Variants in TANC1 observed in about 807,000 individuals in gnomAD.
TANC1 encodes the protein tetratricopeptide repeat, ankyrin repeat and coiled-coil containing 1, also known as protein TANC1.
TANC1 carries 77 observed loss-of-function variants against 149.7 expected under a neutral mutation model. The observed-to-expected ratio is 0.51, with a 90% CI of 0.43 to 0.62. The LOEUF (loss-of-function observed/expected upper bound fraction) is 0.62, where lower values mean the gene tolerates loss of function less well. Ranked by LOEUF, TANC1 falls within the 20% of genes least tolerant of loss-of-function variation. The pLI, the probability that TANC1 is intolerant of heterozygous loss-of-function variation, is 0.00. For synonymous variants in TANC1, 854 were observed against 925.0 expected (o/e 0.92, Z 1.39); for missense variants, 1,985 against 2,321.8 (o/e 0.85, Z 2.98).
At chr2:159,006,642 T>A (rs1289184354) in intron 2 of TANC1, among the ~76,000 whole-genome samples, 1 of 152,224 alleles carries the variant, frequency 6.6e-6, no homozygotes. Flanking sequence ...TCTATACCCC[T>A]AGAGATCATC....
chr2:159,015,755 C>G (rs375756133), intron 2 of TANC1, among the ~76,000 whole-genome samples: 1 of 152,176 alleles, frequency 6.6e-6, no homozygotes, highest in Non-Finnish European at 1.5e-5. Flanking sequence ...AGGGCAGGGG[C>G]AAAATGCTGC....
chr2:158,985,594 C>G (rs1459506493), intron 1 of TANC1, among the ~76,000 whole-genome samples: 1 of 152,142 alleles, frequency 6.6e-6, no homozygotes, highest in Non-Finnish European at 1.5e-5. Flanking sequence ...TGGGTTAAAG[C>G]AGAGGGGATT....
chr2:159,173,580 G>A (rs574436883), intron 11 of TANC1, among the ~76,000 whole-genome samples: 144 of 152,308 alleles, frequency 9.5e-4, no homozygotes, highest in African/African-American at 3.3e-3. Flanking sequence ...ACTCCAACCT[G>A]GGTGACAGAG....
chr2:159,084,047 C>T (rs920642538), intron 3 of TANC1, among the ~76,000 whole-genome samples: 2 of 152,124 alleles, frequency 1.3e-5, no homozygotes. Context: ...GTCAGGAGTT[C>T]GAGACCATCC....
chr2:159,192,578 C>A (rs2057526721), intron 16 of TANC1, among the ~76,000 whole-genome samples: 1 of 152,192 alleles, frequency 6.6e-6, no homozygotes, highest in African/African-American at 2.4e-5. Flanking sequence ...AAATGTACCA[C>A]CCAGATATAA....
intron 2 of TANC1, among the ~76,000 whole-genome samples, chr2:159,019,516 C>G (rs28439659): frequency 6.6e-6 from 1 of 152,130 alleles, no homozygotes; most frequent in African/African-American, 2.4e-5. Flanking sequence ...GACCTTTGCT[C>G]TGGAGGTTTC....
Position 159,186,883 on chromosome 2 carries a change from C to G in TANC1, c.2620-19C>G. The stretch of plus-strand genomic sequence containing the variant: ...ATCTGTCTCTGATTGTTTCCAAGAT[C>G]TGTCTCGATTGTTTCCAGGGCCTCA... On this transcript the variant is annotated intron_variant, in intron 15 of 26. Transcript: ENST00000263635. 1 of 1,614,122 alleles carries G rather than the reference C, an allele frequency of 6.2e-7. No individual in the cohort carries two copies. Among genetic ancestry groups the G allele is most frequent in the South Asian group, 1.1e-5 (1 of 91,064 alleles).
At chr2:159,023,704 C>T (rs1450401953) in intron 2 of TANC1, among the ~76,000 whole-genome samples, 28 of 152,086 alleles carry the variant, frequency 1.8e-4, no homozygotes, top group Admixed American at 1.6e-3. Context: ...CAGTGGCTCA[C>T]GCCTGTAATC....
chr2:158,975,676 T>A (rs1263130807), intron 1 of TANC1, among the ~76,000 whole-genome samples: 1 of 151,214 alleles, frequency 6.6e-6, no homozygotes, highest in Admixed American at 6.6e-5. Flanking sequence ...CCTCAAGCAA[T>A]CCTTCCACCT....
chr2:159,171,986 T>A, intron 10 of TANC1, 135 bp from the exon 11 acceptor site: 1 of 761,724 alleles, frequency 1.3e-6, no homozygotes, highest in South Asian at 2.0e-5. Flanking sequence ...TGTGCTCTCA[T>A]GTGGACCTCT....
intron 25 of TANC1, chr2:159,228,400 G>A (rs2150993330): frequency 3.8e-6 from 1 of 262,788 alleles, no homozygotes. Flanking sequence ...TTTGTAACTA[G>A]TAGATCTGTT....
At chr2:159,059,129 G>C (rs2042051516) in intron 2 of TANC1, among the ~76,000 whole-genome samples, 1 of 152,154 alleles carries the variant, frequency 6.6e-6, no homozygotes, top group South Asian at 2.1e-4. Flanking sequence ...ATGGGTTGTT[G>C]AATAAAGAAT....
At chr2:159,081,862 G>A (rs901992198) in intron 3 of TANC1, among the ~76,000 whole-genome samples, 15 of 152,274 alleles carry the variant, frequency 9.9e-5, no homozygotes, top group South Asian at 4.2e-4. Flanking sequence ...CCAGCTAACC[G>A]CTTCCCAAGA....
At position 159,230,924 on chromosome 2, in the gene TANC1, A is replaced by C; in HGVS notation, c.5498A>C (p.Lys1833Thr). ...CATCTGTACCAGGAAAGTATCTCCAAACAGCAGCCTCATATTAGTAATGAA... is the reference window on the plus strand; with the variant it reads ...CATCTGTACCAGGAAAGTATCTCCACACAGCAGCCTCATATTAGTAATGAA... ...VSHLYQESIS[K>T]QQPHISNEAH... The change falls in exon 27 of 27, where the codon AAA becomes ACA. Residue 1833 changes from lysine (K) to threonine (T), a missense_variant. Coordinates refer to ENST00000263635, the MANE Select transcript of TANC1 (RefSeq NM_033394.3). The surrounding 1 kb of genome is among the most constrained non-coding windows in gnomAD (Gnocchi z 4.4). 18 of 1,614,182 alleles carry C rather than the reference A, an allele frequency of 1.1e-5. No individual in the cohort carries two copies. Among genetic ancestry groups the C allele is most frequent in the Non-Finnish European group, 1.5e-5 (18 of 1,180,022 alleles).
At chr2:159,123,261 A>T (rs1306323586) in intron 4 of TANC1, among the ~76,000 whole-genome samples, 1 of 152,016 alleles carries the variant, frequency 6.6e-6, no homozygotes, top group Non-Finnish European at 1.5e-5. Context: ...TTTTTTCTGT[A>T]TAGGGCGAAG....
intron 11 of TANC1, among the ~76,000 whole-genome samples, chr2:159,174,031 G>C (rs1203020551): frequency 6.6e-6 from 1 of 152,198 alleles, no homozygotes; most frequent in Non-Finnish European, 1.5e-5. Context: ...GCAGGCGCTT[G>C]CCGCACCCAG....
chr2:159,185,049 C>G (rs1331760870), intron 14 of TANC1, among the ~76,000 whole-genome samples: 2 of 152,202 alleles, frequency 1.3e-5, no homozygotes, highest in African/African-American at 2.4e-5. Context: ...TTTCCTCCCT[C>G]CACAACTACC....
At chr2:159,187,122 G>A in intron 16 of TANC1, 98 bp downstream of exon 16, 8 of 1,430,314 alleles carry the variant, frequency 5.6e-6, no homozygotes, top group Non-Finnish European at 7.6e-6. Context: ...GGGTGGTGGT[G>A]AGAGGACGCA....
chr2:159,073,690 G>T (rs1037884225), intron 3 of TANC1, among the ~76,000 whole-genome samples: 1 of 152,104 alleles, frequency 6.6e-6, no homozygotes, highest in South Asian at 2.1e-4. Flanking sequence ...TACAGACTTA[G>T]TTTTCAGAAA....
Sources: allele counts gnomAD v4.1 joint callset (sites outside exome capture counted in the v4.1 genomes callset), GRCh38; gene constraint gnomAD v4.1.1; non-coding constraint Gnocchi (gnomAD v3.1); transcripts MANE v1.5; gene names NCBI Gene and HGNC (gene_info 2026-07-23, HGNC 2026-07-21).